The following LINGO2 variants were observed in gnomAD, a reference collection of about 807,000 sequenced individuals.
LINGO2 encodes leucine rich repeat and Ig domain containing 2.
A neutral mutation model predicts 30.6 loss-of-function variants in LINGO2; 14 were observed. The observed-to-expected ratio is 0.46, with a 90% CI of 0.30 to 0.72. LINGO2 has a LOEUF of 0.72. LINGO2 is among the 30% of genes least tolerant of loss of function. The pLI, the probability that LINGO2 is intolerant of heterozygous loss-of-function variation, is 0.07. For synonymous variants in LINGO2, 317 were observed against 288.5 expected (o/e 1.10, Z -1.00); for missense variants, 729 against 751.7 (o/e 0.97, Z 0.35).
At chr9:28,374,295 T>G (rs1821035320) in intron 2 of LINGO2, among the ~76,000 whole-genome samples, 1 of 150,934 alleles carries the variant, frequency 6.6e-6, no homozygotes. Flanking sequence ...TAAAGTAACC[T>G]TTTAATAAGA....
At chr9:28,123,172 G>A (rs1266365536) in intron 4 of LINGO2, among the ~76,000 whole-genome samples, 2 of 152,162 alleles carry the variant, frequency 1.3e-5, no homozygotes, top group Non-Finnish European at 2.9e-5. Flanking sequence ...GGGCCACTTC[G>A]TATTTCCCAG....
the LINGO2 span, among the ~76,000 whole-genome samples, chr9:29,019,970 G>C: frequency 6.6e-6 from 1 of 152,054 alleles, no homozygotes; most frequent in East Asian, 1.9e-4. Context: ...GAAAGAATTT[G>C]CAATTTCAGC....
chr9:28,087,871 C>T (rs1029669118), intron 4 of LINGO2, among the ~76,000 whole-genome samples: 8 of 152,016 alleles, frequency 5.3e-5, no homozygotes, highest in African/African-American at 1.9e-4. Flanking sequence ...ACAATTTCCT[C>T]CATGGCTACC....
At chr9:28,694,502 AT>A in the LINGO2 span, among the ~76,000 whole-genome samples, 1 of 152,050 alleles carries the variant, frequency 6.6e-6, no homozygotes, top group Non-Finnish European at 1.5e-5. Flanking sequence ...GATGAAAATA[AT>A]ACCTATAGCA....
At chr9:27,967,580 AT>A (rs1383950538) in intron 5 of LINGO2, among the ~76,000 whole-genome samples, 1 of 152,128 alleles carries the variant, frequency 6.6e-6, no homozygotes, top group African/African-American at 2.4e-5. Flanking sequence ...GCCTAGATTT[AT>A]GCTTCTATTT....
At chr9:28,408,878 A>G (rs905541515) in intron 2 of LINGO2, among the ~76,000 whole-genome samples, 16 of 152,076 alleles carry the variant, frequency 1.1e-4, no homozygotes, top group African/African-American at 3.9e-4. Context: ...GAAGTTCATA[A>G]AAAGGGAAGA....
chr9:28,541,310 G>A (rs980353135), intron 1 of LINGO2, among the ~76,000 whole-genome samples: 2 of 151,938 alleles, frequency 1.3e-5, no homozygotes, highest in Non-Finnish European at 2.9e-5. Flanking sequence ...TTTGGCAGTA[G>A]GTTTAAAAAA....
At chr9:28,677,038 C>T in the LINGO2 span, among the ~76,000 whole-genome samples, 1 of 152,096 alleles carries the variant, frequency 6.6e-6, no homozygotes, top group African/African-American at 2.4e-5. Context: ...TTACTGAATG[C>T]TTTCCGTATG....
At chr9:28,754,608 A>T in the LINGO2 span, among the ~76,000 whole-genome samples, 1 of 151,656 alleles carries the variant, frequency 6.6e-6, no homozygotes. Flanking sequence ...GCATTCTGAA[A>T]CTTTTATCTG....
intron 1 of LINGO2, among the ~76,000 whole-genome samples, chr9:28,560,167 G>T (rs1822973871): frequency 6.6e-6 from 1 of 151,986 alleles, no homozygotes; most frequent in African/African-American, 2.4e-5. Flanking sequence ...GGTACTGTGA[G>T]GATTAATAGT....
the LINGO2 span, among the ~76,000 whole-genome samples, chr9:28,864,302 G>A: frequency 6.6e-6 from 1 of 152,008 alleles, no homozygotes. Flanking sequence ...ATTTGTCCAA[G>A]TAAGTATTTT....
At position 27,948,816 on chromosome 9, in the gene LINGO2, A is replaced by C; in HGVS notation, c.*35T>G. On this transcript the variant is annotated 3_prime_UTR_variant, in exon 6 of 6. Transcript: ENST00000379992. ...CCATACTGTCTTACTGATTACCCAC[A>C]TTGACAAAGAGACAGTAATGTGAGG... 7 of 1,571,080 alleles carry C rather than the reference A, an allele frequency of 4.5e-6. No individual in the cohort carries two copies. The South Asian group carries it at 8.5e-5, about 19-fold the overall frequency.
chr9:28,835,527 G>A, the LINGO2 span, among the ~76,000 whole-genome samples: 1 of 152,042 alleles, frequency 6.6e-6, no homozygotes, highest in African/African-American at 2.4e-5. Flanking sequence ...AAACCCATTT[G>A]TTTGACTAAA....
intron 2 of LINGO2, among the ~76,000 whole-genome samples, chr9:28,435,256 T>G (rs750920984): frequency 6.6e-6 from 1 of 152,198 alleles, no homozygotes; most frequent in Admixed American, 6.5e-5. Context: ...AATTCAAGTC[T>G]TGTTTATTAT....
At chr9:28,512,637 A>G (rs1170668985) in intron 1 of LINGO2, among the ~76,000 whole-genome samples, 2 of 5,564 alleles carry the variant, frequency 3.6e-4, no homozygotes, top group African/African-American at 7.2e-4. Flanking sequence ...ATATATATAT[A>G]CACACATACA....
At chr9:28,159,906 T>C (rs1828238956) in intron 4 of LINGO2, among the ~76,000 whole-genome samples, 1 of 152,118 alleles carries the variant, frequency 6.6e-6, no homozygotes, top group South Asian at 2.1e-4. Flanking sequence ...CTTTTTTAAC[T>C]AAAAAAAGTT....
At chr9:28,593,492 C>T (rs539805238) in intron 1 of LINGO2, among the ~76,000 whole-genome samples, 1 of 151,946 alleles carries the variant, frequency 6.6e-6, no homozygotes, top group Non-Finnish European at 1.5e-5. Context: ...TAAAATAGAG[C>T]AAATTGGTCT....
chr9:28,966,545 A>G, the LINGO2 span, among the ~76,000 whole-genome samples: 990 of 152,222 alleles, frequency 6.5e-3, 7 homozygotes, highest in Middle Eastern at 0.048. Flanking sequence ...CATTATGTGA[A>G]ATATGTAGTA....
intron 4 of LINGO2, among the ~76,000 whole-genome samples, chr9:28,030,619 C>A (rs1823620776): frequency 6.6e-6 from 1 of 152,166 alleles, no homozygotes; most frequent in Non-Finnish European, 1.5e-5. Context: ...GTGTCTGCTC[C>A]AGGACCTGGT....
Sources: allele counts gnomAD v4.1 joint callset (sites outside exome capture counted in the v4.1 genomes callset), GRCh38; gene constraint gnomAD v4.1.1; transcripts MANE v1.5; gene names NCBI Gene and HGNC (gene_info 2026-07-23, HGNC 2026-07-21).